Variants in IMPDH2 observed in about 807,000 individuals in gnomAD.
IMPDH2 encodes the protein inosine monophosphate dehydrogenase 2.
A neutral mutation model predicts 57.8 loss-of-function variants in IMPDH2; 33 were observed. The ratio of observed to expected loss-of-function variants is 0.57; its 90% CI spans 0.43 to 0.76. The LOEUF (loss-of-function observed/expected upper bound fraction) is 0.76, where lower values mean the gene tolerates loss of function less well. IMPDH2 is among the 30% of genes least tolerant of loss of function. The probability of loss-of-function intolerance (pLI) is 0.00; values close to 1 mark genes in which losing one functional copy is unlikely to be tolerated. For missense variants in IMPDH2, 446 were observed against 659.1 expected (o/e 0.68, Z 3.54); for synonymous variants, 270 against 241.3 (o/e 1.12, Z -1.10).
rs1179436051 is a variant in IMPDH2 at position 49,028,314 on chromosome 3, G to A, written c.258C>T (p.Gly86=). 2.5e-6 allele frequency: 4 copies of A among 1,613,806 alleles called. No homozygotes were observed. The Middle Eastern group carries it at 4.9e-4, about 200-fold the overall frequency. Residue 86 remains glycine, a synonymous_variant, in exon 4 of 14, where the codon GGC becomes GGT. Coordinates refer to ENST00000326739, the MANE Select transcript of IMPDH2 (RefSeq NM_000884.3). ...AGTTGTGGTGGATGAAGCCAATACCGCCTGTAAGCTACAGGATAAAAAGAG... is the reference window on the plus strand; with the variant it reads ...AGTTGTGGTGGATGAAGCCAATACCACCTGTAAGCTACAGGATAAAAAGAG... ...AGMAIAMALT[G]GIGFIHHNCT... is the part of the protein sequence containing the mutation.
chr3:49,026,283 A>G, intron 9 of IMPDH2, 41 bp downstream of exon 9: 2 of 1,411,766 alleles, frequency 1.4e-6, no homozygotes, highest in East Asian at 4.8e-5. Context: ...GTGGGGCCTG[A>G]AACTGGGGTC....
At chr3:49,026,482 C>A (rs1261364221) in intron 8 of IMPDH2, 37 bp downstream of exon 8, 1 of 1,601,108 alleles carries the variant, frequency 6.2e-7, no homozygotes, top group African/African-American at 1.3e-5. Context: ...CTTACCCACT[C>A]CCACCACACA....
At chr3:49,027,164 T>C (rs2093203310) in intron 5 of IMPDH2, 117 bp from the exon 6 acceptor site, 2 of 798,260 alleles carry the variant, frequency 2.5e-6, no homozygotes, top group East Asian at 4.9e-5. Context: ...CCAACTAATT[T>C]TTTGTATTTT....
Position 49,026,786 on chromosome 3 carries a change from G to C in IMPDH2, c.720C>G (p.Ala240=). Residue 240 remains alanine, a synonymous_variant, in exon 7 of 14, where the codon GCC becomes GCG. Coordinates refer to ENST00000326739, the MANE Select transcript of IMPDH2 (RefSeq NM_000884.3). ...NRDYPLASKD[A]KKQLLCGAAI... ...CTGCCCCACACAGCAGCTGTTTCTT[G>C]GCATCTTTGGAGGCTAGTGGGTAGT... The C allele has an allele frequency of 6.2e-7, 1 of 1,614,186 alleles. No individual in the cohort carries two copies. The highest frequency in any genetic ancestry group is 8.5e-7 in the Non-Finnish European group (1 of 1,180,020).
At position 49,025,232 on chromosome 3, in the gene IMPDH2, G is replaced by A. The variant is rs2106782998; in HGVS notation, c.1044C>T (p.Tyr348=). 1 of 1,614,230 alleles carries A rather than the reference G, an allele frequency of 6.2e-7. No homozygotes were observed. ...AGCGCCGTGCATACTCTGACACCTT[G>A]TACACTGCTGTTGCTTGGGGCCGCC... ...ACGRPQATAV[Y]KVSEYARRFG... Residue 348 remains tyrosine (Y), a synonymous_variant, in exon 10 of 14, where the codon TAC becomes TAT. Transcript: ENST00000326739.
At position 49,024,371 on chromosome 3, in the gene IMPDH2, C is replaced by G; in HGVS notation, c.*12G>C. The G allele has an allele frequency of 6.2e-7, 1 of 1,613,916 alleles. No individual in the cohort carries two copies. The highest frequency in any genetic ancestry group is 8.5e-7 in the Non-Finnish European group (1 of 1,179,948). On this transcript the variant is annotated 3_prime_UTR_variant, in exon 14 of 14. Coordinates refer to ENST00000326739, the MANE Select transcript of IMPDH2 (RefSeq NM_000884.3). ...TTGAAAAAAAAACCGAGGAGGTGTG[C>G]TGGATCCCTTTTCAGAAAAGCCGCT...
chr3:49,026,280 C>T, intron 9 of IMPDH2, 44 bp downstream of exon 9: 1 of 1,390,832 alleles, frequency 7.2e-7, no homozygotes, highest in Non-Finnish European at 1.0e-6. Flanking sequence ...TATGTGGGGC[C>T]TGAAACTGGG....
chr3:49,028,791 G>A lies in IMPDH2; in HGVS notation c.114C>T (p.Leu38=). The change falls in exon 2 of 14, where the codon CTC becomes CTT. Residue 38 remains leucine (L), a synonymous_variant. Coordinates refer to ENST00000326739, the MANE Select transcript of IMPDH2 (RefSeq NM_000884.3). ...DGLTYNDFLI[L]PGYIDFTADQ... ...CTGCAGTGAAGTCGATGTACCCAGGGAGAATGAGAAAGTCACTGCGAGGGA... is the reference window on the plus strand; with the variant it reads ...CTGCAGTGAAGTCGATGTACCCAGGAAGAATGAGAAAGTCACTGCGAGGGA... The A allele has an allele frequency of 6.2e-7, 1 of 1,613,882 alleles. No homozygotes were observed. Among genetic ancestry groups the A allele is most frequent in the Non-Finnish European group, 8.5e-7 (1 of 1,179,774 alleles).
chr3:49,028,094 G>A, intron 4 of IMPDH2, 154 bp downstream of exon 4: 1 of 790,170 alleles, frequency 1.3e-6, no homozygotes. Context: ...GTCTATTGCT[G>A]CTGCTTTAAG....
chr3:49,026,394 G>T lies in IMPDH2; in HGVS notation c.936C>A (p.Asn312Lys), dbSNP rs758814432. The change falls in exon 9 of 14, where the codon AAC becomes AAA. Residue 312 changes from asparagine (N) to lysine (K), a missense_variant. By Grantham distance (94) the Asn-to-Lys change is moderately conservative. Coordinates refer to ENST00000326739, the MANE Select transcript of IMPDH2 (RefSeq NM_000884.3). ...GGGCATCCACACCTGCATCAATGAG[G>T]TTCTTGGCCTGGGCAGCAGTGACCA... ...GNVVTAAQAK[N>K]LIDAGVDALR... 6.2e-7 allele frequency: 1 copy of T among 1,613,828 alleles called. No individual in the cohort carries two copies. The highest frequency in any genetic ancestry group is 1.7e-5 in the Admixed American group (1 of 59,980).
chr3:49,024,854 C>G, intron 11 of IMPDH2, 42 bp downstream of exon 11: 1 of 1,614,096 alleles, frequency 6.2e-7, no homozygotes, highest in South Asian at 1.1e-5. Context: ...ATGAGACTGT[C>G]AGTGCAGGAT....
At position 49,024,340 on chromosome 3, in the gene IMPDH2, CTT is replaced by C. The variant is rs1363127137; in HGVS notation, c.*41_*42del. 4.3e-6 allele frequency: 7 copies of C among 1,610,576 alleles called. No homozygotes were observed. Among genetic ancestry groups the C allele is most frequent in the Non-Finnish European group, 5.9e-6 (7 of 1,177,434 alleles). On this transcript the variant is annotated 3_prime_UTR_variant, in exon 14 of 14. Coordinates refer to ENST00000326739, the MANE Select transcript of IMPDH2 (RefSeq NM_000884.3). ...CAGGCATCACTTTTTTCTTTCTAAACTTTTATTGAAAAAAAAACCGAGGAGGT... is the reference window on the plus strand; with the variant it reads ...CAGGCATCACTTTTTTCTTTCTAAACTTATTGAAAAAAAAACCGAGGAGGT...
Position 49,027,658 on chromosome 3 carries a change from G to C in IMPDH2, c.531+52C>G, listed in dbSNP as rs1385290311. 3.4e-6 allele frequency: 5 copies of C among 1,480,038 alleles called. No homozygotes were observed. In the East Asian group the frequency reaches 9.1e-5, roughly 27 times the overall value. 91.7% of individuals were successfully genotyped at this position (1,480,038 alleles called of 1,614,324 possible). The stretch of plus-strand genomic sequence containing the variant: ...ATGTCTTAGACAACAGAAGCCCCTT[G>C]TCTTCAACCTGGGCTGCTAGAGCTT... On this transcript the variant is annotated intron_variant, in intron 5 of 13. Transcript: ENST00000326739.
At chr3:49,029,141 C>T (rs1307797422) in intron 1 of IMPDH2, 112 bp downstream of exon 1, 2 of 897,332 alleles carry the variant, frequency 2.2e-6, no homozygotes, top group African/African-American at 3.3e-5. Flanking sequence ...GGCCAATTCC[C>T]GAAACCTGTC....
intron 1 of IMPDH2, 55 bp downstream of exon 1, chr3:49,029,198 T>C (rs761150360): frequency 7.0e-7 from 1 of 1,437,690 alleles, no homozygotes; most frequent in Non-Finnish European, 9.6e-7. Flanking sequence ...CCATCTGGCC[T>C]TTTCCCCAGG....
Position 49,024,500 on chromosome 3 carries a change from G to A in IMPDH2, c.1518C>T (p.Leu506=). Residue 506 remains leucine, a synonymous_variant, in exon 13 of 14, where the codon CTC becomes CTT. Coordinates refer to ENST00000326739, the MANE Select transcript of IMPDH2 (RefSeq NM_000884.3). ...CCAAGGACAGGGTGACTTACGAATG[G>A]AGGCTATGGACGCCACCTTCCACCT... ...SAQVEGGVHS[L]HSYEKRLF 1 of 1,614,182 alleles carries A rather than the reference G, an allele frequency of 6.2e-7. No homozygotes were observed. Among genetic ancestry groups the A allele is most frequent in the South Asian group, 1.1e-5 (1 of 91,082 alleles).
At chr3:49,028,364 G>A in intron 3 of IMPDH2, 42 bp from the exon 4 acceptor site, 2 of 1,608,278 alleles carry the variant, frequency 1.2e-6, no homozygotes, top group Non-Finnish European at 1.7e-6. Context: ...ACAAGAAGCA[G>A]GACTGAATGC....
chr3:49,028,411 C>T lies in IMPDH2; in HGVS notation c.249+20G>A, dbSNP rs1334368740. ...GGCGATGGAGTCCTTGCTCCTTCCCCCACACCCCATGGGGCTCACCGCCAT... is the reference window on the plus strand; with the variant it reads ...GGCGATGGAGTCCTTGCTCCTTCCCTCACACCCCATGGGGCTCACCGCCAT... On this transcript the variant is annotated intron_variant, in intron 3 of 13. Transcript: ENST00000326739. 2 of 1,611,108 alleles carry T rather than the reference C, an allele frequency of 1.2e-6. No homozygotes were observed. The highest frequency in any genetic ancestry group is 1.7e-6 in the Non-Finnish European group (2 of 1,177,338).
chr3:49,027,678 G>A, intron 5 of IMPDH2, 32 bp downstream of exon 5: 1 of 1,582,740 alleles, frequency 6.3e-7, no homozygotes, highest in African/African-American at 1.3e-5. Flanking sequence ...TGGGCTGCTA[G>A]AGCTTGGATC....
Sources: gnomAD v4.1 joint callset for allele counts on GRCh38, gnomAD v4.1.1 for gene constraint, MANE v1.5 for transcripts, NCBI Gene and HGNC (gene_info 2026-07-23, HGNC 2026-07-21) for gene names.